PRIM2: variants seen among roughly 807,000 people sequenced by gnomAD.
The protein encoded by PRIM2 is DNA primase large subunit.
PRIM2 carries 39 observed loss-of-function variants against 67.3 expected under a neutral mutation model. The observed-to-expected ratio is 0.58, with a 90% CI of 0.45 to 0.76. The LOEUF is 0.76. Among genes scored for constraint, PRIM2 ranks in the 30% least tolerant of loss-of-function variants. The pLI, the probability that PRIM2 is intolerant of heterozygous loss-of-function variation, is 0.00. For synonymous variants in PRIM2, 143 were observed against 198.7 expected, an observed-to-expected ratio of 0.72 and a Z score of 2.36; for missense variants, 398 against 598.7, an observed-to-expected ratio of 0.66 and a Z score of 3.50.
chr6:57,434,304 A>T (rs1562750567), intron 7 of PRIM2, among the ~76,000 whole-genome samples: 1 of 152,018 alleles, frequency 6.6e-6, no homozygotes, highest in African/African-American at 2.4e-5. Context: ...AGCACTTAGA[A>T]CAGTACCTTG....
At chr6:57,320,035 C>T (rs546102030) in intron 2 of PRIM2, among the ~76,000 whole-genome samples, 3 of 152,302 alleles carry the variant, frequency 2.0e-5, no homozygotes, top group Admixed American at 6.5e-5. Flanking sequence ...GCTCTGTCCT[C>T]GGCTTCATCA....
At chr6:57,434,442 A>AG (rs1418304046) in intron 7 of PRIM2, among the ~76,000 whole-genome samples, 1 of 152,096 alleles carries the variant, frequency 6.6e-6, no homozygotes, top group Non-Finnish European at 1.5e-5. Flanking sequence ...TAAAAAAAAA[A>AG]TCTCAAGAAT....
At chr6:57,230,407 C>T in the PRIM2 span, among the ~76,000 whole-genome samples, 93,719 of 152,006 alleles carry the variant, frequency 0.62, 29,887 homozygotes, top group South Asian at 0.77. Context: ...GTCAGGACCA[C>T]TGGGGATTCC....
chr6:57,334,335 G>A (rs919466337), intron 5 of PRIM2, among the ~76,000 whole-genome samples: 4 of 152,044 alleles, frequency 2.6e-5, no homozygotes, highest in African/African-American at 9.6e-5. Context: ...GGTTGATTCC[G>A]TATCTTGGCT....
At chr6:57,293,757 G>A in the PRIM2 span, among the ~76,000 whole-genome samples, 3 of 150,872 alleles carry the variant, frequency 2.0e-5, no homozygotes, top group Non-Finnish European at 4.4e-5. Context: ...AACACTGCAT[G>A]TTCCCAGTCA....
intron 7 of PRIM2, among the ~76,000 whole-genome samples, chr6:57,488,457 T>C (rs1773803232): frequency 6.6e-6 from 1 of 152,212 alleles, no homozygotes; most frequent in East Asian, 1.9e-4. Flanking sequence ...CTGGGCCTTT[T>C]TGGCAGTAGA....
chr6:57,276,908 G>C, the PRIM2 span, among the ~76,000 whole-genome samples: 4 of 151,560 alleles, frequency 2.6e-5, no homozygotes, highest in Non-Finnish European at 5.9e-5. Flanking sequence ...AAGATATAAT[G>C]ATATATGAAA....
At chr6:57,517,095 G>A (rs1439341326) in intron 8 of PRIM2, among the ~76,000 whole-genome samples, 2 of 152,186 alleles carry the variant, frequency 1.3e-5, no homozygotes, top group Non-Finnish European at 2.9e-5. Context: ...TATGCAGTAA[G>A]TCAGGAACCA....
rs1156576933 is a variant in PRIM2 at position 57,642,435 on chromosome 6, CTTTTTTTTT to C, written c.1300-3476_1300-3468del. On this transcript the variant is annotated intron_variant, in intron 13 of 13. Coordinates refer to ENST00000615550, the MANE Select transcript of PRIM2 (RefSeq NM_000947.5). ...TATGCACATACCTTAAATATTATAT[CTTTTTTTTT>C]TTTTTTTTTTTTTTTTGAGACGGAG... 2.2e-4 allele frequency among the ~76,000 whole-genome samples: 18 copies of C among 83,178 alleles called. 2 individuals are homozygous for C. Among genetic ancestry groups the C allele is most frequent in the Middle Eastern group, 8.3e-3 (1 of 120 alleles). The allele number at this position is 83,178 out of a possible 152,430, so 54.6% of individuals were successfully genotyped here. A position where few individuals can be genotyped will look rare whatever the true frequency, so the allele number is the denominator to read the frequency against.
the PRIM2 span, among the ~76,000 whole-genome samples, chr6:57,305,811 G>A: frequency 1.3e-5 from 2 of 152,120 alleles, no homozygotes; most frequent in Non-Finnish European, 2.9e-5. Flanking sequence ...GTTAGGCACC[G>A]AATTGTGTTA....
At chr6:57,371,412 C>A (rs1356209025) in intron 5 of PRIM2, among the ~76,000 whole-genome samples, 2 of 151,852 alleles carry the variant, frequency 1.3e-5, no homozygotes, top group Non-Finnish European at 2.9e-5. Flanking sequence ...TAGTTAGAAC[C>A]TAAAACAATA....
intron 3 of PRIM2, 45 bp downstream of exon 3, chr6:57,320,605 T>G: frequency 8.3e-7 from 1 of 1,199,728 alleles, no homozygotes; most frequent in Non-Finnish European, 1.2e-6. Context: ...TCTATGCATT[T>G]ATGTATTGAG....
chr6:57,237,206 A>G, the PRIM2 span, among the ~76,000 whole-genome samples: 1 of 152,068 alleles, frequency 6.6e-6, no homozygotes. Context: ...GGCTGCATAA[A>G]TGTCTTCTTT....
At chr6:57,476,491 C>G (rs1330612357) in intron 7 of PRIM2, among the ~76,000 whole-genome samples, 1 of 152,112 alleles carries the variant, frequency 6.6e-6, no homozygotes, top group Non-Finnish European at 1.5e-5. Flanking sequence ...TTTGAAATAC[C>G]ATTCATCTGC....
intron 10 of PRIM2, among the ~76,000 whole-genome samples, chr6:57,542,498 A>T (rs1182590670): frequency 6.6e-6 from 1 of 152,142 alleles, no homozygotes; most frequent in African/African-American, 2.4e-5. Context: ...CTGTGTAGCA[A>T]TATCATCAGT....
At chr6:57,323,844 G>A (rs756151438) in intron 3 of PRIM2, among the ~76,000 whole-genome samples, 3 of 152,036 alleles carry the variant, frequency 2.0e-5, no homozygotes, top group Non-Finnish European at 2.9e-5. Flanking sequence ...TAATTCTAGT[G>A]CTTTGAGGGA....
At chr6:57,242,591 A>C in the PRIM2 span, among the ~76,000 whole-genome samples, 1 of 152,220 alleles carries the variant, frequency 6.6e-6, no homozygotes, top group Non-Finnish European at 1.5e-5. Flanking sequence ...ATCATAGTGT[A>C]AGCTTTTTTC....
intron 12 of PRIM2, among the ~76,000 whole-genome samples, chr6:57,620,625 T>A (rs1446417269): frequency 6.6e-6 from 1 of 152,060 alleles, no homozygotes; most frequent in Non-Finnish European, 1.5e-5. Context: ...AAAGCATAAA[T>A]CTCACAGGAC....
chr6:57,348,800 T>C (rs1768763298), intron 5 of PRIM2, among the ~76,000 whole-genome samples: 1 of 144,664 alleles, frequency 6.9e-6, no homozygotes, highest in Non-Finnish European at 1.5e-5. Context: ...CAAGCTGAAG[T>C]GCAGTGGCGC....
Sources: allele counts gnomAD v4.1 joint callset (sites outside exome capture counted in the v4.1 genomes callset), GRCh38; gene constraint gnomAD v4.1.1; transcripts MANE v1.5; gene names NCBI Gene and HGNC (gene_info 2026-07-23, HGNC 2026-07-21).